ARHGEF4: variants seen among roughly 807,000 people sequenced by gnomAD.
ARHGEF4 encodes the protein APC-stimulated guanine nucleotide exchange factor 1.
A neutral mutation model predicts 162.0 loss-of-function variants in ARHGEF4; 119 were observed. That is an observed-to-expected ratio of 0.73 (90% CI 0.63 to 0.86). The LOEUF is 0.86. Ranked by LOEUF, ARHGEF4 falls within the 40% of genes least tolerant of loss-of-function variation. The pLI is 0.00. For missense variants in ARHGEF4, 2,488 were observed against 2,456.0 expected (o/e 1.01, Z -0.28); for synonymous variants, 1,014 against 979.9 (o/e 1.03, Z -0.65).
At chr2:130,976,714 C>T (rs1325048118) in intron 4 of ARHGEF4, among the ~76,000 whole-genome samples, 1 of 152,188 alleles carries the variant, frequency 6.6e-6, no homozygotes, top group Non-Finnish European at 1.5e-5. Context: ...GGGTCTCAGA[C>T]TGGGGGCAAG....
chr2:131,028,005 A>G lies in ARHGEF4; in HGVS notation c.4046A>G (p.Asp1349Gly). 6.2e-7 allele frequency: 1 copy of G among 1,613,908 alleles called. No homozygotes were observed. The highest frequency in any genetic ancestry group is 8.5e-7 in the Non-Finnish European group (1 of 1,179,994). The change falls in exon 5 of 14, where the codon GAC becomes GGC. Residue 1349 changes from aspartate to glycine, a missense_variant. Physicochemically the swap from Asp to Gly is moderately conservative, Grantham distance 94. Transcript: ENST00000409359. ...VCADEVGSEE[D>G]LYDDLHSSSH... is the part of the protein sequence containing the mutation. ...GCTGACGAAGTGGGGAGCGAGGAGG[A>G]CCTGTATGATGACCTGCACAGCTCC...
intron 1 of ARHGEF4, among the ~76,000 whole-genome samples, chr2:130,912,163 C>T (rs753427567): frequency 2.0e-5 from 3 of 152,240 alleles, no homozygotes; most frequent in Non-Finnish European, 2.9e-5. Flanking sequence ...GCACAGTTCT[C>T]TGTGCTTGTC....
intron 1 of ARHGEF4, among the ~76,000 whole-genome samples, chr2:130,870,862 G>A (rs746761343): frequency 3.8e-4 from 58 of 152,096 alleles, no homozygotes; most frequent in Admixed American, 3.5e-3. Flanking sequence ...GCTGACTCTT[G>A]GCTAGGTGCA....
At chr2:130,838,433 C>T (rs1680358057) in intron 1 of ARHGEF4, among the ~76,000 whole-genome samples, 1 of 152,104 alleles carries the variant, frequency 6.6e-6, no homozygotes, top group Non-Finnish European at 1.5e-5. Flanking sequence ...TGTCAAAACC[C>T]CGTCTCTACT....
intron 1 of ARHGEF4, among the ~76,000 whole-genome samples, chr2:130,882,920 G>A (rs188649612): frequency 1.3e-5 from 2 of 151,994 alleles, no homozygotes; most frequent in Admixed American, 1.3e-4. Flanking sequence ...TTGCTTTTTT[G>A]TCATTTTAGC....
intron 4 of ARHGEF4, among the ~76,000 whole-genome samples, chr2:130,955,903 AG>A (rs1452412262): frequency 6.6e-6 from 1 of 152,182 alleles, no homozygotes; most frequent in Non-Finnish European, 1.5e-5. Flanking sequence ...AAGCACCTTT[AG>A]GTTGCAGCTT....
At chr2:131,024,920 T>C (rs1490961801) in intron 4 of ARHGEF4, among the ~76,000 whole-genome samples, 1 of 152,180 alleles carries the variant, frequency 6.6e-6, no homozygotes, top group African/African-American at 2.4e-5. Flanking sequence ...TTTTTAAACA[T>C]AAATGAAATA....
chr2:130,963,292 G>A (rs1215809398), intron 4 of ARHGEF4, among the ~76,000 whole-genome samples: 2 of 151,164 alleles, frequency 1.3e-5, no homozygotes, highest in Admixed American at 6.6e-5. Context: ...CACGCTCACC[G>A]TGCGCCTGGC....
Position 130,915,630 on chromosome 2 carries a change from A to T in ARHGEF4, c.1684A>T (p.Ile562Leu), listed in dbSNP as rs572897043. 6.4e-6 allele frequency: 10 copies of T among 1,550,498 alleles called. No individual in the cohort carries two copies. The South Asian group carries it at 9.5e-5, about 15-fold the overall frequency. Residue 562 changes from isoleucine to leucine, a missense_variant, in exon 2 of 14, where the codon ATA becomes TTA. By Grantham distance (5) the Ile-to-Leu change is conservative. This residue lies in a region of ARHGEF4 where 1,642 missense variants were observed against 1,481.5 expected (regional missense o/e 1.11). Transcript: ENST00000409359. ...TGAGACCACCCAGAAATCAAGCGCA[A>T]TAGACACTTCAAAGGCAGCCGAAGA... ...APETTQKSSAIDTSKAAEEAM... is the reference protein window; with the variant it reads ...APETTQKSSALDTSKAAEEAM...
In ARHGEF4 at chr2:130,930,941, C is replaced by T. The variant is rs751797700; in HGVS notation, c.3553-11C>T. On this transcript the variant is annotated splice_polypyrimidine_tract_variant and intron_variant, in intron 2 of 13. Transcript: ENST00000409359. ...ACCTCTGACCCCTGACCCGTTCTCTCTGCTCTCCAGAACCACATGCCCTGG... is the reference window on the plus strand; with the variant it reads ...ACCTCTGACCCCTGACCCGTTCTCTTTGCTCTCCAGAACCACATGCCCTGG... The T allele has an allele frequency of 1.3e-6, 2 of 1,595,464 alleles. No individual in the cohort carries two copies. The highest frequency in any genetic ancestry group is 8.6e-7 in the Non-Finnish European group (1 of 1,167,168).
intron 1 of ARHGEF4, among the ~76,000 whole-genome samples, chr2:130,847,333 G>A (rs556275000): frequency 8.7e-4 from 132 of 152,312 alleles, no homozygotes; most frequent in African/African-American, 3.1e-3. Flanking sequence ...GTGCCTCAAT[G>A]CAGAGGAGGC....
In ARHGEF4 at chr2:131,044,535, G is replaced by C; in HGVS notation, c.5394G>C (p.Gln1798His). Residue 1798 changes from glutamine to histidine, a missense_variant, in exon 12 of 14, where the codon CAG becomes CAC. Gln to His is a conservative substitution (Grantham distance 24). Coordinates refer to ENST00000409359, the MANE Select transcript of ARHGEF4 (RefSeq NM_001367493.1). ...AREREQVQLD[Q>H]ETGFSITELQ... Reference sequence around the variant, plus strand: ...AGAGGGAGCAGGTGCAGCTGGACCAGGAGACAGGTTCGAGACCCTGCTGGG... The same window carrying C: ...AGAGGGAGCAGGTGCAGCTGGACCACGAGACAGGTTCGAGACCCTGCTGGG... 1 of 1,550,434 alleles carries C rather than the reference G, an allele frequency of 6.4e-7. No individual in the cohort carries two copies.
intron 1 of ARHGEF4, among the ~76,000 whole-genome samples, chr2:130,885,152 G>C (rs1360231280): frequency 6.6e-6 from 1 of 152,056 alleles, no homozygotes; most frequent in Non-Finnish European, 1.5e-5. Flanking sequence ...CTTCACTGGA[G>C]TGGCTCTGAG....
intron 4 of ARHGEF4, among the ~76,000 whole-genome samples, chr2:130,967,488 T>C (rs547716298): frequency 1.8e-4 from 28 of 152,294 alleles, no homozygotes; most frequent in African/African-American, 6.5e-4. Context: ...ACAGTTTTCA[T>C]GTTCACCTCC....
intron 5 of ARHGEF4, among the ~76,000 whole-genome samples, chr2:131,034,690 T>C (rs1690102706): frequency 6.6e-6 from 1 of 152,176 alleles, no homozygotes; most frequent in Non-Finnish European, 1.5e-5. Context: ...TTTTGGCCTC[T>C]GTATCTCTGA....
intron 1 of ARHGEF4, among the ~76,000 whole-genome samples, chr2:130,904,882 C>G (rs1198455882): frequency 6.6e-6 from 1 of 152,024 alleles, no homozygotes; most frequent in East Asian, 1.9e-4. Flanking sequence ...AATTTGAGAC[C>G]AGCCTGGCCA....
intron 2 of ARHGEF4, among the ~76,000 whole-genome samples, chr2:130,917,916 G>T (rs1033274389): frequency 6.8e-6 from 1 of 147,234 alleles, no homozygotes; most frequent in African/African-American, 2.5e-5. Context: ...TCTGCCTCCC[G>T]GATTCAGGCA....
chr2:131,026,632 A>G (rs886383155), intron 4 of ARHGEF4, among the ~76,000 whole-genome samples: 3 of 152,266 alleles, frequency 2.0e-5, no homozygotes, highest in African/African-American at 7.2e-5. Context: ...TAAATGGCCC[A>G]TAGATAAAAG....
In ARHGEF4 at chr2:130,916,683, C is replaced by T. The variant is rs1303179100; in HGVS notation, c.2737C>T (p.His913Tyr). 3 of 1,550,508 alleles carry T rather than the reference C, an allele frequency of 1.9e-6. No homozygotes were observed. Among genetic ancestry groups the T allele is most frequent in the South Asian group, 1.2e-5 (1 of 84,058 alleles). Residue 913 changes from histidine to tyrosine, a missense_variant, in exon 2 of 14, where the codon CAT becomes TAT. Physicochemically the swap from His to Tyr is moderately conservative, Grantham distance 83. Coordinates refer to ENST00000409359, the MANE Select transcript of ARHGEF4 (RefSeq NM_001367493.1). ...KKLRARLALA[H>Y]KTFSNFIESI... is the part of the protein sequence containing the mutation. ...ACTCAGGGCAAGGTTGGCCTTGGCT[C>T]ATAAGACCTTTTCAAACTTTATTGA... is the stretch of plus-strand genomic sequence containing the variant.
Sources: gnomAD v4.1 joint callset for allele counts (sites outside exome capture counted in the v4.1 genomes callset) on GRCh38, gnomAD v4.1.1 for gene constraint, gnomAD v4.1.1 regional missense constraint, MANE v1.5 for transcripts, NCBI Gene and HGNC (gene_info 2026-07-23, HGNC 2026-07-21) for gene names.